The following OSR2 variants were observed in gnomAD, a reference collection of about 807,000 sequenced individuals.
OSR2 encodes the protein odd-skipped related transciption factor 2.
Under a neutral mutation model 22.3 loss-of-function variants are expected in OSR2, and 8 were observed. The ratio of observed to expected loss-of-function variants is 0.36; its 90% confidence interval spans 0.21 to 0.65. The LOEUF (loss-of-function observed/expected upper bound fraction) is 0.65, where lower values mean the gene tolerates loss of function less well. Ranked by LOEUF, OSR2 falls within the 30% of genes least tolerant of loss-of-function variation. The pLI is 0.66. For missense variants in OSR2, 311 were observed against 413.4 expected (o/e 0.75, Z 2.15); for synonymous variants, 179 against 173.8 (o/e 1.03, Z -0.23).
Position 98,948,699 on chromosome 8 carries a change from C to T in OSR2, c.-114-140C>T. On this transcript the variant is annotated intron_variant, in intron 1 of 3. Transcript: ENST00000297565. This position sits in a 1 kb window ranked among gnomAD's most constrained non-coding sequence, Gnocchi z 6.0. ...AGCAGGTGCCAAGGTGCCACGCAGT[C>T]CCCTCACGGCTTTCGGGGGGTCTTG... 1 of 1,130,946 alleles carries T rather than the reference C, an allele frequency of 8.8e-7. No individual in the cohort carries two copies. The highest frequency in any genetic ancestry group is 1.2e-6 in the Non-Finnish European group (1 of 821,722). 70.1% of individuals were successfully genotyped at this position (1,130,946 alleles called of 1,614,324 possible). A position where few individuals can be genotyped will look rare whatever the true frequency, so the allele number is the denominator to read the frequency against.
intron 1 of OSR2, among the ~76,000 whole-genome samples, chr8:98,946,512 G>A (rs892850049): frequency 8.5e-5 from 13 of 152,148 alleles, no homozygotes; most frequent in Admixed American, 8.5e-4. Flanking sequence ...CTTCCTCTAT[G>A]AAGAAACTAT....
rs1403375685 is a variant in OSR2 at position 98,948,453 on chromosome 8, G to A, written c.-114-386G>A. The A allele has an allele frequency of 8.1e-6, 9 of 1,117,818 alleles. No individual in the cohort carries two copies. The highest frequency in any genetic ancestry group is 2.5e-4 in the Middle Eastern group (1 of 4,010). The allele number at this position is 1,117,818 out of a possible 1,614,324, so 69.2% of individuals were successfully genotyped here. Reference sequence around the variant, plus strand: ...CCCGGCCTGCTAGCATTGGCATTGCGGTTGACTGAGCTTCGCCTAACAGGC... The same window carrying A: ...CCCGGCCTGCTAGCATTGGCATTGCAGTTGACTGAGCTTCGCCTAACAGGC... On this transcript the variant is annotated intron_variant, in intron 1 of 3. Coordinates refer to ENST00000297565, the MANE Select transcript of OSR2 (RefSeq NM_001142462.3). The surrounding 1 kb of genome is among the most constrained non-coding windows in gnomAD (Gnocchi z 6.0).
intron 1 of OSR2, among the ~76,000 whole-genome samples, chr8:98,947,197 C>G (rs547660134): frequency 1.3e-5 from 2 of 151,676 alleles, no homozygotes; most frequent in South Asian, 4.2e-4. Flanking sequence ...CCTGAACTCC[C>G]AGACCGCATA....
rs1412940254 is a variant in OSR2, at chr8:98,948,821, C to A, written c.-114-18C>A. ...GATTATAGTCACGGTCTCTCCCTCTCTTCCCTGCCATTTTTAGGGCTTTCT... is the reference window on the plus strand; with the variant it reads ...GATTATAGTCACGGTCTCTCCCTCTATTCCCTGCCATTTTTAGGGCTTTCT... On this transcript the variant is annotated intron_variant, in intron 1 of 3. Coordinates refer to ENST00000297565, the MANE Select transcript of OSR2 (RefSeq NM_001142462.3). This position sits in a 1 kb window ranked among gnomAD's most constrained non-coding sequence, Gnocchi z 6.0. The A allele has an allele frequency of 1.9e-6, 3 of 1,554,146 alleles. No homozygotes were observed. The highest frequency in any genetic ancestry group is 2.6e-6 in the Non-Finnish European group (3 of 1,152,696).
At chr8:98,950,959 C>T (rs1290594085) in intron 3 of OSR2, 9 of 601,956 alleles carry the variant, frequency 1.5e-5, no homozygotes, top group Admixed American at 3.0e-5. Context: ...TCTCAAAAAA[C>T]GGCCACTTTG....
rs1165690585 is a variant in OSR2, at chr8:98,948,714, G to A, written c.-114-125G>A. ...GCCACGCAGTCCCCTCACGGCTTTC[G>A]GGGGGTCTTGGAGTCGGGTGGGGAG... On this transcript the variant is annotated intron_variant, in intron 1 of 3. Coordinates refer to ENST00000297565, the MANE Select transcript of OSR2 (RefSeq NM_001142462.3). This position sits in a 1 kb window ranked among gnomAD's most constrained non-coding sequence, Gnocchi z 6.0. 6 of 1,233,148 alleles carry A rather than the reference G, an allele frequency of 4.9e-6. No homozygotes were observed. The Admixed American group carries it at 8.4e-5, about 17-fold the overall frequency. The allele number at this position is 1,233,148 out of a possible 1,614,324, so 76.4% of individuals were successfully genotyped here.
chr8:98,950,780 A>G lies in OSR2; in HGVS notation c.756+25A>G, dbSNP rs754731120. ...GGTAAGTTTGTTTTCTTGTTTAAAA[A>G]CAGTGGCTGGTTCGTGTTATCATTA... On this transcript the variant is annotated intron_variant, in intron 3 of 3. Transcript: ENST00000297565. 6.7e-6 allele frequency: 10 copies of G among 1,487,578 alleles called. No homozygotes were observed. In the East Asian group the frequency reaches 2.3e-4, roughly 34 times the overall value. The allele number at this position is 1,487,578 out of a possible 1,614,324, so 92.1% of individuals were successfully genotyped here.
Position 98,949,700 on chromosome 8 carries a change from T to G in OSR2, c.656+92T>G. 2.1e-6 allele frequency: 3 copies of G among 1,421,006 alleles called. No homozygotes were observed. Among genetic ancestry groups the G allele is most frequent in the Middle Eastern group, 3.7e-4 (2 of 5,392 alleles). 88.0% of individuals were successfully genotyped at this position (1,421,006 alleles called of 1,614,324 possible). ...ATAGACATTCCCAGTGTCATTATAATCCCCTGTGATCTAAAATACACCCTC... is the reference window on the plus strand; with the variant it reads ...ATAGACATTCCCAGTGTCATTATAAGCCCCTGTGATCTAAAATACACCCTC... On this transcript the variant is annotated intron_variant, in intron 2 of 3. Transcript: ENST00000297565. The surrounding 1 kb of genome is among the most constrained non-coding windows in gnomAD (Gnocchi z 5.9).
In OSR2 at chr8:98,948,444, T is replaced by A; in HGVS notation, c.-114-395T>A. ...GAGGTTCGCCCCGGCCTGCTAGCAT[T>A]GGCATTGCGGTTGACTGAGCTTCGC... On this transcript the variant is annotated intron_variant, in intron 1 of 3. Transcript: ENST00000297565. This position sits in a 1 kb window ranked among gnomAD's most constrained non-coding sequence, Gnocchi z 6.0. The A allele has an allele frequency of 8.9e-7, 1 of 1,117,716 alleles. No homozygotes were observed. The highest frequency in any genetic ancestry group is 1.1e-6 in the Non-Finnish European group (1 of 919,288). The allele number at this position is 1,117,716 out of a possible 1,614,324, so 69.2% of individuals were successfully genotyped here.
intron 1 of OSR2, among the ~76,000 whole-genome samples, chr8:98,947,916 G>A (rs940879850): frequency 5.3e-5 from 8 of 152,128 alleles, no homozygotes; most frequent in African/African-American, 1.4e-4. Context: ...AGGGATGTAG[G>A]GGTCGCTCCT....
intron 1 of OSR2, among the ~76,000 whole-genome samples, chr8:98,947,438 T>C (rs1170174477): frequency 6.6e-6 from 1 of 152,090 alleles, no homozygotes; most frequent in Non-Finnish European, 1.5e-5. Flanking sequence ...GAGTCTCTCC[T>C]GCCTTCCTGC....
In OSR2 at chr8:98,949,588, AG is replaced by A; in HGVS notation, c.637del (p.Asp213IlefsTer31). On this transcript the variant is annotated frameshift_variant, in exon 2 of 4. Transcript: ENST00000297565. LOFTEE classifies it high-confidence loss of function. The surrounding 1 kb of genome is among the most constrained non-coding windows in gnomAD (Gnocchi z 5.9). Reference protein sequence around the residue: ...DICHKAFRRQDHLRDHRYIHS... With the variant: ...DICHKAFRRQXHLRDHRYIHS... ...TCTGCCACAAGGCCTTCCGGAGGCA[AG>A]ATCACCTGCGGGATCACAGGTGAGG... The A allele has an allele frequency of 6.2e-7, 1 of 1,611,176 alleles. No individual in the cohort carries two copies. The highest frequency in any genetic ancestry group is 8.5e-7 in the Non-Finnish European group (1 of 1,177,904).
Position 98,948,401 on chromosome 8 carries a change from CG to C in OSR2, c.-114-437del. ...GTTAACCCACCGTTCCCAGGAGCTC[CG>C]AGGCGCAGCGGCGACAGAGGTTCGC... On this transcript the variant is annotated intron_variant, in intron 1 of 3. Transcript: ENST00000297565. This position sits in a 1 kb window ranked among gnomAD's most constrained non-coding sequence, Gnocchi z 6.0. 7.3e-7 allele frequency: 1 copy of C among 1,368,940 alleles called. No individual in the cohort carries two copies. The highest frequency in any genetic ancestry group is 1.4e-5 in the South Asian group (1 of 70,422). 84.8% of individuals were successfully genotyped at this position (1,368,940 alleles called of 1,614,324 possible). A position where few individuals can be genotyped will look rare whatever the true frequency, so the allele number is the denominator to read the frequency against.
At position 98,951,670 on chromosome 8, in the gene OSR2, G is replaced by C; in HGVS notation, c.908G>C (p.Ser303Thr). 6.2e-7 allele frequency: 1 copy of C among 1,613,752 alleles called. No homozygotes were observed. Among genetic ancestry groups the C allele is most frequent in the Non-Finnish European group, 8.5e-7 (1 of 1,179,830 alleles). The stretch of plus-strand genomic sequence containing the variant: ...CGAAACTGTGATCTGCGGCGGCACA[G>C]CCTGACTCACACCCCGCGGCAGGAC... The part of the protein sequence containing the change: ...FRRNCDLRRH[S>T]LTHTPRQDF The change falls in exon 4 of 4, where the codon AGC (serine) becomes ACC (threonine). Residue 303 changes from serine to threonine, a missense_variant. Around this residue, in one of 5 missense-constraint regions of OSR2, gnomAD observed 70 missense variants for 84.5 expected, o/e 0.83. Transcript: ENST00000297565.
In OSR2 at chr8:98,951,621, G is replaced by A. The variant is rs917272260; in HGVS notation, c.859G>A (p.Glu287Lys). The change falls in exon 4 of 4, where the codon GAG becomes AAG. Residue 287 changes from glutamate (E) to lysine (K), a missense_variant. Glu to Lys is a moderately conservative substitution (Grantham distance 56). Around this residue, in one of 5 missense-constraint regions of OSR2, gnomAD observed 70 missense variants for 84.5 expected, o/e 0.83. Coordinates refer to ENST00000297565, the MANE Select transcript of OSR2 (RefSeq NM_001142462.3). ...TACAGACATCAAGCCCTACAGCTGCGAGCAGTGCGGCAAAGTGTTCAGGCG... is the reference window on the plus strand; with the variant it reads ...TACAGACATCAAGCCCTACAGCTGCAAGCAGTGCGGCAAAGTGTTCAGGCG... ...THTDIKPYSC[E>K]QCGKVFRRNC... 1.2e-6 allele frequency: 2 copies of A among 1,613,974 alleles called. No individual in the cohort carries two copies. Among genetic ancestry groups the A allele is most frequent in the Non-Finnish European group, 1.7e-6 (2 of 1,179,896 alleles).
At chr8:98,950,633 T>C (rs1290741864) in intron 2 of OSR2, 23 bp from the exon 3 acceptor site, 2 of 1,520,144 alleles carry the variant, frequency 1.3e-6, no homozygotes, top group African/African-American at 1.4e-5. Context: ...GTTATTTCAA[T>C]GAAACCTTAT....
chr8:98,949,955 G>C lies in OSR2; in HGVS notation c.656+347G>C, dbSNP rs1019800282. Among the ~76,000 whole-genome samples, 8 of 152,098 alleles carry C rather than the reference G, an allele frequency of 5.3e-5. No individual in the cohort carries two copies. Among genetic ancestry groups the C allele is most frequent in the African/African-American group, 1.9e-4 (8 of 41,482 alleles). On this transcript the variant is annotated intron_variant, in intron 2 of 3. Coordinates refer to ENST00000297565, the MANE Select transcript of OSR2 (RefSeq NM_001142462.3). This position sits in a 1 kb window ranked among gnomAD's most constrained non-coding sequence, Gnocchi z 5.9. ...TGGGGTGCCGGTCCTGGCTGCAGTC[G>C]GGCTACTTCTGTTGGGTTTCGTCCC...
chr8:98,948,382 C>G lies in OSR2; in HGVS notation c.-114-457C>G. On this transcript the variant is annotated intron_variant, in intron 1 of 3. Coordinates refer to ENST00000297565, the MANE Select transcript of OSR2 (RefSeq NM_001142462.3). The surrounding 1 kb of genome is among the most constrained non-coding windows in gnomAD (Gnocchi z 6.0). ...GGGATCTCACGACCCATCCGTTAAC[C>G]CACCGTTCCCAGGAGCTCCGAGGCG... 2 of 1,480,774 alleles carry G rather than the reference C, an allele frequency of 1.4e-6. No homozygotes were observed. Among genetic ancestry groups the G allele is most frequent in the East Asian group, 2.6e-5 (1 of 38,678 alleles). 91.7% of individuals were successfully genotyped at this position (1,480,774 alleles called of 1,614,324 possible).
intron 1 of OSR2, among the ~76,000 whole-genome samples, chr8:98,945,384 G>A (rs1840577415): frequency 6.6e-6 from 1 of 152,230 alleles, no homozygotes; most frequent in Non-Finnish European, 1.5e-5. Context: ...TTAAACGCTC[G>A]GATTCCTGAG....
Sources: gnomAD v4.1 joint callset for allele counts (sites outside exome capture counted in the v4.1 genomes callset) on GRCh38, gnomAD v4.1.1 for gene constraint, gnomAD v4.1.1 regional missense constraint, Gnocchi (gnomAD v3.1) non-coding constraint, MANE v1.5 for transcripts, NCBI Gene and HGNC (gene_info 2026-07-23, HGNC 2026-07-21) for gene names.